Variants in TTC39B observed in about 807,000 individuals in gnomAD.
TTC39B encodes the protein tetratricopeptide repeat domain 39B, also known as tetratricopeptide repeat protein 39B.
In TTC39B, 92 loss-of-function variants were observed where a neutral mutation model predicts 96.6. The observed-to-expected ratio is 0.95, with a 90% CI of 0.80 to 1.13. The LOEUF is 1.13. Among genes scored for constraint, TTC39B ranks in the 50% most tolerant of loss-of-function variants. The probability of loss-of-function intolerance (pLI) is 0.00; values close to 1 mark genes in which losing one functional copy is unlikely to be tolerated. For synonymous variants in TTC39B, 367 were observed against 299.4 expected (o/e 1.23, Z -2.33); for missense variants, 955 against 809.3 (o/e 1.18, Z -2.18).
At chr9:15,251,439 G>A (rs1269048543) in intron 2 of TTC39B, among the ~76,000 whole-genome samples, 6 of 151,804 alleles carry the variant, frequency 4.0e-5, no homozygotes, top group Non-Finnish European at 2.9e-5. Context: ...GCGCATGCCT[G>A]TAATCCCAGC....
At chr9:15,229,707 G>T (rs1351722719) in intron 2 of TTC39B, among the ~76,000 whole-genome samples, 2 of 152,098 alleles carry the variant, frequency 1.3e-5, no homozygotes, top group African/African-American at 4.8e-5. Context: ...ACGTGCTCAG[G>T]TCTGTTTCTG....
At chr9:15,251,293 TA>T (rs909038707) in intron 2 of TTC39B, among the ~76,000 whole-genome samples, 8 of 151,890 alleles carry the variant, frequency 5.3e-5, no homozygotes, top group African/African-American at 1.9e-4. Flanking sequence ...AGAAGAAAAT[TA>T]AAGACAGCCT....
Position 15,210,055 on chromosome 9 carries a change from A to C in TTC39B, c.691+33T>G, listed in dbSNP as rs759339719. The C allele has an allele frequency of 1.5e-5, 22 of 1,466,060 alleles. No homozygotes were observed. The Admixed American group carries it at 3.7e-4, about 25-fold the overall frequency. 90.8% of individuals were successfully genotyped at this position (1,466,060 alleles called of 1,614,324 possible). The stretch of plus-strand genomic sequence containing the variant: ...AGATGATCATTTAACTATTAAAATC[A>C]AGGAAAAAAGTGATCTTTTAAATGA... On this transcript the variant is annotated intron_variant, in intron 6 of 19. Transcript: ENST00000512701.
intron 2 of TTC39B, among the ~76,000 whole-genome samples, chr9:15,244,522 C>T (rs1459170089): frequency 6.6e-6 from 1 of 152,222 alleles, no homozygotes; most frequent in African/African-American, 2.4e-5. Flanking sequence ...TTTGTAAAAT[C>T]GCTTTTTAAA....
chr9:15,207,878 G>A (rs1019744155), intron 6 of TTC39B, among the ~76,000 whole-genome samples: 4 of 150,276 alleles, frequency 2.7e-5, no homozygotes, highest in African/African-American at 9.8e-5. Flanking sequence ...CAGCTACTCG[G>A]GAGGCTGAGG....
chr9:15,181,282 T>C (rs560710723), intron 17 of TTC39B, among the ~76,000 whole-genome samples: 41 of 152,294 alleles, frequency 2.7e-4, no homozygotes, highest in African/African-American at 9.4e-4. Flanking sequence ...TCACAGAAGT[T>C]TTCATTTTAC....
intron 2 of TTC39B, among the ~76,000 whole-genome samples, chr9:15,257,292 A>G (rs1322464861): frequency 6.6e-6 from 1 of 152,170 alleles, no homozygotes; most frequent in Admixed American, 6.5e-5. Flanking sequence ...GTAGAAATAA[A>G]TTATCATGTC....
chr9:15,167,021 TATA>T lies in TTC39B; in HGVS notation c.*4995_*4997del, dbSNP rs1564299960. On this transcript the variant is annotated 3_prime_UTR_variant, in exon 20 of 20. Coordinates refer to ENST00000512701, the Ensembl canonical transcript of TTC39B. ...ATATATATATATATATATATATATA[TATA>T]TATATTTTTTTTTTTTTTTTTTTTT... The T allele has an allele frequency of 1.9e-3, 22 of 11,600 alleles. 1 individual carries two copies. Among genetic ancestry groups the T allele is most frequent in the African/African-American group, 2.8e-3 (7 of 2,474 alleles). The allele number at this position is 11,600 out of a possible 1,614,324, so 0.7% of individuals were successfully genotyped here.
Position 15,166,982 on chromosome 9 carries a change from T to TTTTTTTTA in TTC39B, c.*5036_*5037insTAAAAAAA, listed in dbSNP as rs1387664027. 94 of 20,274 alleles carry TTTTTTTTA rather than the reference T, an allele frequency of 4.6e-3. 5 individuals are homozygous for TTTTTTTTA. Among genetic ancestry groups the TTTTTTTTA allele is most frequent in the South Asian group, 0.012 (4 of 340 alleles). 1.3% of individuals were successfully genotyped at this position (20,274 alleles called of 1,614,324 possible). ...TAACATGTGTCCACAAACCTTTATTTTATATATATATATATATATATATAT... is the reference window on the plus strand; with the variant it reads ...TAACATGTGTCCACAAACCTTTATTTTTTTTTTATATATATATATATATATATATATAT... On this transcript the variant is annotated 3_prime_UTR_variant, in exon 20 of 20. Transcript: ENST00000512701.
chr9:15,301,041 T>C (rs1235297654), intron 1 of TTC39B, among the ~76,000 whole-genome samples: 1 of 152,110 alleles, frequency 6.6e-6, no homozygotes, highest in Non-Finnish European at 1.5e-5. Flanking sequence ...TCCTTCCCAC[T>C]GTACCAAGTG....
chr9:15,233,813 G>A (rs1172526905), intron 2 of TTC39B, among the ~76,000 whole-genome samples: 2 of 151,898 alleles, frequency 1.3e-5, no homozygotes, highest in Admixed American at 6.6e-5. Flanking sequence ...CTGCCTGGCC[G>A]CCCATCCTCT....
At chr9:15,217,478 C>T (rs1289026763) in intron 3 of TTC39B, among the ~76,000 whole-genome samples, 2 of 152,228 alleles carry the variant, frequency 1.3e-5, no homozygotes, top group East Asian at 1.9e-4. Context: ...GAGTGGTTTA[C>T]GATGATGCTC....
intron 1 of TTC39B, among the ~76,000 whole-genome samples, chr9:15,276,674 C>T (rs995830987): frequency 1.3e-5 from 2 of 152,116 alleles, no homozygotes; most frequent in Non-Finnish European, 2.9e-5. Context: ...TGTAGTAGAG[C>T]GGAAAGCATA....
chr9:15,298,804 C>G (rs1362816185), intron 1 of TTC39B, among the ~76,000 whole-genome samples: 1 of 152,160 alleles, frequency 6.6e-6, no homozygotes, highest in Non-Finnish European at 1.5e-5. Context: ...AAGTACCCTT[C>G]CAGCCTTGAT....
chr9:15,306,937 G>A lies in TTC39B; in HGVS notation c.240+147C>T. 8.7e-7 allele frequency: 1 copy of A among 1,145,338 alleles called. No individual in the cohort carries two copies. The highest frequency in any genetic ancestry group is 1.2e-6 in the Non-Finnish European group (1 of 824,336). The allele number at this position is 1,145,338 out of a possible 1,614,324, so 70.9% of individuals were successfully genotyped here. A position where few individuals can be genotyped will look rare whatever the true frequency, so the allele number is the denominator to read the frequency against. On this transcript the variant is annotated intron_variant, in intron 1 of 19. Coordinates refer to ENST00000512701, the Ensembl canonical transcript of TTC39B. The surrounding 1 kb of genome is among the most constrained non-coding windows in gnomAD (Gnocchi z 5.1). The stretch of plus-strand genomic sequence containing the variant: ...AGCGGGGACAGACCTACCAAGGCCG[G>A]GCGCCCCCACCCGGCGCCCGCCAGC...
intron 2 of TTC39B, among the ~76,000 whole-genome samples, chr9:15,234,423 G>C (rs1223813597): frequency 1.4e-5 from 2 of 144,424 alleles, no homozygotes; most frequent in African/African-American, 2.5e-5. Flanking sequence ...TCAGCCCCCC[G>C]CCCGGCCAGC....
At chr9:15,296,928 A>C (rs780778506) in intron 1 of TTC39B, among the ~76,000 whole-genome samples, 5 of 152,220 alleles carry the variant, frequency 3.3e-5, no homozygotes, top group Non-Finnish European at 5.9e-5. Flanking sequence ...TCAAGTCTGC[A>C]GTAAGCCATG....
chr9:15,196,276 C>T (rs1031854609), intron 8 of TTC39B, among the ~76,000 whole-genome samples: 6 of 152,154 alleles, frequency 3.9e-5, no homozygotes, highest in African/African-American at 1.4e-4. Context: ...ACCTTCAAGT[C>T]TTATTATTTA....
intron 2 of TTC39B, among the ~76,000 whole-genome samples, chr9:15,233,897 A>G (rs1406366526): frequency 6.9e-6 from 1 of 145,142 alleles, no homozygotes; most frequent in Non-Finnish European, 1.5e-5. Context: ...CTGCCATCCC[A>G]TCTAGGAAGT....
Sources: gnomAD v4.1 joint callset for allele counts (sites outside exome capture counted in the v4.1 genomes callset) on GRCh38, gnomAD v4.1.1 for gene constraint, Gnocchi (gnomAD v3.1) non-coding constraint, MANE v1.5 for transcripts, NCBI Gene and HGNC (gene_info 2026-07-23, HGNC 2026-07-21) for gene names.